The following KCNH7 variants were observed in gnomAD, a reference collection of about 807,000 sequenced individuals.
KCNH7 encodes the protein voltage-gated inwardly rectifying potassium channel KCNH7.
A neutral mutation model predicts 120.8 loss-of-function variants in KCNH7; 49 were observed. The observed-to-expected ratio is 0.41, with a 90% CI of 0.32 to 0.51. The LOEUF is 0.51. Among genes scored for constraint, KCNH7 ranks in the 20% least tolerant of loss-of-function variants. The pLI is 0.38. For synonymous variants in KCNH7, 547 were observed against 516.1 expected (o/e 1.06, Z -0.81); for missense variants, 1,097 against 1,446.6 (o/e 0.76, Z 3.92).
intron 2 of KCNH7, among the ~76,000 whole-genome samples, chr2:162,586,557 A>T (rs1694028553): frequency 6.6e-6 from 1 of 152,044 alleles, no homozygotes; most frequent in Admixed American, 6.6e-5. Context: ...TTGCAGAATC[A>T]TGAGCAAATA....
At chr2:162,387,407 A>G (rs1686605364) in intron 12 of KCNH7, among the ~76,000 whole-genome samples, 1 of 151,478 alleles carries the variant, frequency 6.6e-6, no homozygotes, top group Non-Finnish European at 1.5e-5. Flanking sequence ...GTACTTCTAA[A>G]TTTTGATGGA....
chr2:162,792,527 G>A (rs1320478124), intron 2 of KCNH7, among the ~76,000 whole-genome samples: 1 of 151,868 alleles, frequency 6.6e-6, no homozygotes, highest in Non-Finnish European at 1.5e-5. Context: ...TGTGTGTCCA[G>A]GAAATTATCC....
At chr2:162,584,498 T>A (rs896009855) in intron 2 of KCNH7, among the ~76,000 whole-genome samples, 4 of 152,046 alleles carry the variant, frequency 2.6e-5, no homozygotes, top group African/African-American at 9.7e-5. Context: ...CAACCTAAAG[T>A]GGTTTAGCTC....
intron 2 of KCNH7, among the ~76,000 whole-genome samples, chr2:162,598,419 C>A (rs1038413379): frequency 2.0e-5 from 3 of 151,898 alleles, no homozygotes; most frequent in Non-Finnish European, 4.4e-5. Flanking sequence ...TCTACATTCA[C>A]AAAAAGTCAC....
At chr2:162,541,991 C>T (rs1033739952) in intron 2 of KCNH7, among the ~76,000 whole-genome samples, 2 of 151,926 alleles carry the variant, frequency 1.3e-5, no homozygotes, top group African/African-American at 2.4e-5. Flanking sequence ...GGGGATATAG[C>T]AAATTGTTTT....
intron 2 of KCNH7, among the ~76,000 whole-genome samples, chr2:162,708,734 G>A (rs1426912947): frequency 6.6e-6 from 1 of 152,016 alleles, no homozygotes. Context: ...AATATATAAT[G>A]TGCATCTGTA....
chr2:162,432,071 G>T (rs1293459269), intron 8 of KCNH7, among the ~76,000 whole-genome samples: 1 of 151,940 alleles, frequency 6.6e-6, no homozygotes, highest in East Asian at 1.9e-4. Context: ...TCAAAATACA[G>T]GTTCTATTTT....
At chr2:162,434,097 G>A (rs1169433402) in intron 8 of KCNH7, among the ~76,000 whole-genome samples, 1 of 152,092 alleles carries the variant, frequency 6.6e-6, no homozygotes, top group African/African-American at 2.4e-5. Context: ...GCGGCAGCTG[G>A]AGGCCATTAT....
At chr2:162,613,692 C>A (rs1387867780) in intron 2 of KCNH7, among the ~76,000 whole-genome samples, 8 of 151,642 alleles carry the variant, frequency 5.3e-5, no homozygotes, top group African/African-American at 1.9e-4. Flanking sequence ...AAACAAAAAA[C>A]CCATCTGATT....
At chr2:162,461,454 T>A (rs1689143301) in intron 6 of KCNH7, among the ~76,000 whole-genome samples, 2 of 152,192 alleles carry the variant, frequency 1.3e-5, no homozygotes, top group Admixed American at 6.6e-5. Context: ...TGATGATTAC[T>A]ATCATAATAA....
At chr2:162,375,970 A>T (rs1231388267) in intron 14 of KCNH7, among the ~76,000 whole-genome samples, 1 of 152,080 alleles carries the variant, frequency 6.6e-6, no homozygotes, top group East Asian at 1.9e-4. Flanking sequence ...AGGAGGAATT[A>T]CAGAGAATTT....
chr2:162,442,685 C>T (rs1226059079), intron 7 of KCNH7, among the ~76,000 whole-genome samples: 2 of 151,996 alleles, frequency 1.3e-5, no homozygotes, highest in African/African-American at 2.4e-5. Context: ...TAGTGAAACT[C>T]TCTCTGCAAA....
chr2:162,677,350 T>C (rs1685561673), intron 2 of KCNH7, among the ~76,000 whole-genome samples: 1 of 151,480 alleles, frequency 6.6e-6, no homozygotes. Context: ...AAAATGAATA[T>C]ATCTATTTTA....
chr2:162,628,619 G>A (rs72873570), intron 2 of KCNH7, among the ~76,000 whole-genome samples: 24 of 151,958 alleles, frequency 1.6e-4, no homozygotes, highest in African/African-American at 3.1e-4. Context: ...ATAGGCCCCC[G>A]TGTGTGTTGT....
chr2:162,703,866 T>C (rs1177388259), intron 2 of KCNH7, among the ~76,000 whole-genome samples: 1 of 152,086 alleles, frequency 6.6e-6, no homozygotes, highest in Non-Finnish European at 1.5e-5. Context: ...ATATATGATC[T>C]CAACAAAATG....
At chr2:162,761,556 C>G (rs1204677965) in intron 2 of KCNH7, among the ~76,000 whole-genome samples, 1 of 152,050 alleles carries the variant, frequency 6.6e-6, no homozygotes, top group South Asian at 2.1e-4. Flanking sequence ...TTCAGACATT[C>G]TACTAAGCAC....
At chr2:162,606,900 C>G (rs915888338) in intron 2 of KCNH7, among the ~76,000 whole-genome samples, 1 of 151,910 alleles carries the variant, frequency 6.6e-6, no homozygotes, top group African/African-American at 2.4e-5. Context: ...AAGCGAGAAA[C>G]AGCTTAAATT....
chr2:162,753,433 C>G (rs1688677590), intron 2 of KCNH7, among the ~76,000 whole-genome samples: 1 of 151,994 alleles, frequency 6.6e-6, no homozygotes, highest in Non-Finnish European at 1.5e-5. Context: ...GGACTTAAAC[C>G]AGGCCATTCA....
chr2:162,739,732 G>A (rs747313242), intron 2 of KCNH7, among the ~76,000 whole-genome samples: 7 of 152,230 alleles, frequency 4.6e-5, no homozygotes, highest in South Asian at 2.1e-4. Flanking sequence ...CATAGGGGTG[G>A]TTAGAGTCCC....
Sources: gnomAD v4.1 joint callset for allele counts (sites outside exome capture counted in the v4.1 genomes callset) on GRCh38, gnomAD v4.1.1 for gene constraint, MANE v1.5 for transcripts, NCBI Gene and HGNC (gene_info 2026-07-23, HGNC 2026-07-21) for gene names.